RDH10: variants seen among roughly 807,000 people sequenced by gnomAD.
RDH10 encodes the protein retinol dehydrogenase 10, also known as retinol dehydrogenase 10 (all-trans).
A neutral mutation model predicts 30.2 loss-of-function variants in RDH10; 12 were observed. The ratio of observed to expected loss-of-function variants is 0.40; its 90% CI spans 0.25 to 0.64. The LOEUF (loss-of-function observed/expected upper bound fraction) is 0.64. Among genes scored for constraint, RDH10 ranks in the 30% least tolerant of loss-of-function variants. The pLI, the probability that RDH10 is intolerant of heterozygous loss-of-function variation, is 0.43. For synonymous variants in RDH10, 189 were observed against 172.2 expected, an observed-to-expected ratio of 1.10 and a Z score of -0.76; for missense variants, 268 against 445.2, an observed-to-expected ratio of 0.60 and a Z score of 3.58.
chr8:73,295,793 G>T (rs1050986597), intron 1 of RDH10: 2 of 1,088,756 alleles, frequency 1.8e-6, no homozygotes, highest in Non-Finnish European at 2.4e-6. Context: ...TCCTCGCGGA[G>T]GTTCGGTCTC....
chr8:73,321,555 G>A (rs553817174), intron 4 of RDH10, among the ~76,000 whole-genome samples: 2 of 152,262 alleles, frequency 1.3e-5, no homozygotes, highest in East Asian at 1.9e-4. Flanking sequence ...GCAAGCGTAT[G>A]TAACTAGATT....
chr8:73,318,983 G>C (rs532348603), intron 2 of RDH10, 113 bp from the exon 3 acceptor site: 1 of 666,218 alleles, frequency 1.5e-6, no homozygotes, highest in Admixed American at 2.5e-5. Flanking sequence ...TATTTTTAAA[G>C]GAATTGGGAA....
chr8:73,306,781 G>A (rs1339895570), intron 2 of RDH10, among the ~76,000 whole-genome samples: 1 of 152,198 alleles, frequency 6.6e-6, no homozygotes, highest in Non-Finnish European at 1.5e-5. Context: ...TGCATAAAAT[G>A]TGAATTTCTT....
At chr8:73,305,059 G>A (rs1455754727) in intron 2 of RDH10, among the ~76,000 whole-genome samples, 1 of 152,162 alleles carries the variant, frequency 6.6e-6, no homozygotes, top group African/African-American at 2.4e-5. Flanking sequence ...ATGTCAAAGT[G>A]GAAGCATTGT....
intron 4 of RDH10, 37 bp from the exon 5 acceptor site, chr8:73,322,642 T>C: frequency 6.4e-6 from 10 of 1,552,664 alleles, no homozygotes; most frequent in Non-Finnish European, 8.9e-6. Context: ...TCTATTGTGT[T>C]AATTTTTCAT....
rs774674377 is a variant in RDH10, at chr8:73,322,700, G to T, written c.792G>T (p.Leu264=). The change falls in exon 5 of 6, where the codon CTG becomes CTT. Residue 264 remains leucine (L), a synonymous_variant. Transcript: ENST00000240285. ...CRIRKEIEPF[L]PPLKPDYCVK... ...TCAGGAAAGAAATTGAGCCTTTTCT[G>T]CCACCTCTGAAGCCTGATTACTGTG... is the stretch of plus-strand genomic sequence containing the variant. 11 of 1,611,420 alleles carry T rather than the reference G, an allele frequency of 6.8e-6. No homozygotes were observed. In the South Asian group the frequency reaches 1.1e-4, roughly 16 times the overall value.
intron 4 of RDH10, chr8:73,322,111 A>G (rs1045591674): frequency 2.4e-6 from 1 of 411,988 alleles, no homozygotes; most frequent in African/African-American, 2.0e-5. Context: ...ATGAAGAATG[A>G]AAGGAATAAA....
intron 2 of RDH10, among the ~76,000 whole-genome samples, chr8:73,310,353 T>C (rs1458018846): frequency 6.6e-6 from 1 of 152,228 alleles, no homozygotes; most frequent in African/African-American, 2.4e-5. Flanking sequence ...AGATTTTAAC[T>C]TTTTAAAGAT....
At position 73,324,221 on chromosome 8, in the gene RDH10, C is replaced by G. The variant is rs1489169131; in HGVS notation, c.*1185C>G. The stretch of plus-strand genomic sequence containing the variant: ...ATTAGTGAGAGGAAGAAATCTTATT[C>G]TATGGCATATGTATGGAAGGGTGTA... On this transcript the variant is annotated 3_prime_UTR_variant, in exon 6 of 6. Coordinates refer to ENST00000240285, the MANE Select transcript of RDH10 (RefSeq NM_172037.5). The G allele has an allele frequency of 6.6e-6, 1 of 152,614 alleles. No homozygotes were observed. The highest frequency in any genetic ancestry group is 2.4e-5 in the African/African-American group (1 of 41,458). The allele number at this position is 152,614 out of a possible 1,614,324, so 9.5% of individuals were successfully genotyped here.
At position 73,318,945 on chromosome 8, in the gene RDH10, T is replaced by C. The variant is rs73686930; in HGVS notation, c.526-151T>C. On this transcript the variant is annotated intron_variant, in intron 2 of 5. Transcript: ENST00000240285. The stretch of plus-strand genomic sequence containing the variant: ...ATACAGTGCTAAGTTAGCCAGACAC[T>C]TAAAAGATCTTTTTGATAAATATAA... 990 of 586,604 alleles carry C rather than the reference T, an allele frequency of 1.7e-3. 4 individuals carry two copies. Among genetic ancestry groups the C allele is most frequent in the African/African-American group, 0.014 (749 of 53,450 alleles). 36.3% of individuals were successfully genotyped at this position (586,604 alleles called of 1,614,324 possible).
chr8:73,298,805 A>G (rs1473864848), intron 2 of RDH10, among the ~76,000 whole-genome samples: 1 of 151,958 alleles, frequency 6.6e-6, no homozygotes, highest in African/African-American at 2.4e-5. Flanking sequence ...GGCGTGAGCC[A>G]CCGCACCTGG....
chr8:73,315,470 G>C (rs1430393658), intron 2 of RDH10: 3 of 361,524 alleles, frequency 8.3e-6, no homozygotes, highest in Non-Finnish European at 1.7e-5. Flanking sequence ...ATTCATTTCA[G>C]GGCAAGAAGG....
intron 2 of RDH10, chr8:73,312,313 G>A (rs780342246): frequency 2.0e-5 from 3 of 152,134 alleles, no homozygotes; most frequent in Non-Finnish European, 4.4e-5. Flanking sequence ...ATAAAAGATG[G>A]CTTTTTTGAA....
intron 4 of RDH10, 37 bp downstream of exon 4, chr8:73,321,114 T>C: frequency 6.5e-7 from 1 of 1,548,134 alleles, no homozygotes; most frequent in Non-Finnish European, 8.8e-7. Context: ...ATAAAAAGAA[T>C]ATGTTGGGAG....
chr8:73,305,849 T>G (rs983313672), intron 2 of RDH10, among the ~76,000 whole-genome samples: 1 of 152,200 alleles, frequency 6.6e-6, no homozygotes, highest in Non-Finnish European at 1.5e-5. Context: ...AGAGAACTAT[T>G]TCCTGCCTCA....
intron 2 of RDH10, among the ~76,000 whole-genome samples, chr8:73,316,241 C>T (rs992255280): frequency 1.3e-5 from 2 of 152,140 alleles, no homozygotes; most frequent in Non-Finnish European, 2.9e-5. Flanking sequence ...TGGTCTTGAA[C>T]TCCTGGGCTC....
At chr8:73,307,219 G>A (rs1383690171) in intron 2 of RDH10, among the ~76,000 whole-genome samples, 1 of 152,006 alleles carries the variant, frequency 6.6e-6, no homozygotes, top group Non-Finnish European at 1.5e-5. Flanking sequence ...AAGTTTCGTT[G>A]TTTTCCAGCG....
At chr8:73,296,672 A>G (rs573024690) in intron 1 of RDH10, among the ~76,000 whole-genome samples, 1 of 152,266 alleles carries the variant, frequency 6.6e-6, no homozygotes, top group South Asian at 2.1e-4. Flanking sequence ...AGTGATCCCT[A>G]TTTCTTCATT....
intron 1 of RDH10, chr8:73,295,961 C>A (rs1814256305): frequency 5.0e-6 from 2 of 399,854 alleles, no homozygotes; most frequent in Non-Finnish European, 7.2e-6. Flanking sequence ...GGAAGTTGTT[C>A]TGACTAGACT....
Sources: allele counts gnomAD v4.1 joint callset (sites outside exome capture counted in the v4.1 genomes callset), GRCh38; gene constraint gnomAD v4.1.1; transcripts MANE v1.5; gene names NCBI Gene and HGNC (gene_info 2026-07-23, HGNC 2026-07-21).